Variants in DTNB observed in about 807,000 individuals in gnomAD.
DTNB encodes dystrobrevin beta, also known as DTN-B.
A neutral mutation model predicts 90.7 loss-of-function variants in DTNB; 63 were observed. That is an observed-to-expected ratio of 0.69 (90% CI 0.57 to 0.86). DTNB has a LOEUF of 0.86. Ranked by LOEUF, DTNB falls within the 40% of genes least tolerant of loss-of-function variation. The probability of loss-of-function intolerance (pLI) is 0.00; values close to 1 mark genes in which losing one functional copy is unlikely to be tolerated. For missense variants in DTNB, 744 were observed against 807.1 expected (o/e 0.92, Z 0.95); for synonymous variants, 277 against 286.7 (o/e 0.97, Z 0.34).
intron 8 of DTNB, among the ~76,000 whole-genome samples, chr2:25,567,106 T>C (rs1313317005): frequency 1.3e-5 from 2 of 152,214 alleles, no homozygotes; most frequent in Non-Finnish European, 2.9e-5. Flanking sequence ...AATTTCTCCA[T>C]GTGTATGTCT....
chr2:25,590,154 C>T (rs558877768), intron 6 of DTNB, among the ~76,000 whole-genome samples: 4 of 152,334 alleles, frequency 2.6e-5, no homozygotes, highest in African/African-American at 9.6e-5. Context: ...GGTATTACAG[C>T]CCCGGCCTGG....
intron 8 of DTNB, among the ~76,000 whole-genome samples, chr2:25,573,121 A>T (rs1047358710): frequency 6.6e-6 from 1 of 152,018 alleles, no homozygotes; most frequent in Non-Finnish European, 1.5e-5. Flanking sequence ...AATTTTTTGT[A>T]ATTTTAGTAG....
At chr2:25,662,018 T>C (rs537907512) in intron 1 of DTNB, among the ~76,000 whole-genome samples, 9 of 152,092 alleles carry the variant, frequency 5.9e-5, no homozygotes, top group African/African-American at 1.9e-4. Flanking sequence ...TAGCTGGGCA[T>C]GGTCGTGGGC....
At chr2:25,629,027 T>C (rs539806778) in intron 3 of DTNB, among the ~76,000 whole-genome samples, 5 of 152,050 alleles carry the variant, frequency 3.3e-5, no homozygotes, top group African/African-American at 9.7e-5. Flanking sequence ...ACGACAAAAA[T>C]TCCTGGATGG....
chr2:25,537,392 T>C (rs1173403585), intron 8 of DTNB, among the ~76,000 whole-genome samples: 1 of 152,098 alleles, frequency 6.6e-6, no homozygotes, highest in Admixed American at 6.6e-5. Flanking sequence ...ATCCTAAAAA[T>C]AATAGCCATG....
At chr2:25,435,247 C>T (rs1202427293) in intron 12 of DTNB, among the ~76,000 whole-genome samples, 2 of 152,170 alleles carry the variant, frequency 1.3e-5, no homozygotes, top group Non-Finnish European at 2.9e-5. Context: ...TCTCAAACTC[C>T]TGACCTCAAA....
intron 8 of DTNB, among the ~76,000 whole-genome samples, chr2:25,551,569 C>T (rs2083666111): frequency 6.6e-6 from 1 of 152,184 alleles, no homozygotes; most frequent in Non-Finnish European, 1.5e-5. Context: ...TTAGCGGTTC[C>T]CTTCTGCAAC....
At chr2:25,450,771 A>G (rs151057986) in intron 12 of DTNB, among the ~76,000 whole-genome samples, 5 of 152,204 alleles carry the variant, frequency 3.3e-5, no homozygotes, top group East Asian at 1.9e-4. Flanking sequence ...AAATTTATCC[A>G]TAAGTATTTG....
At chr2:25,620,474 A>G (rs1423973185) in intron 4 of DTNB, among the ~76,000 whole-genome samples, 3 of 152,256 alleles carry the variant, frequency 2.0e-5, no homozygotes, top group Admixed American at 2.0e-4. Flanking sequence ...CACACTCAGA[A>G]TAAAGCATTC....
At chr2:25,516,776 G>T (rs2075206442) in intron 9 of DTNB, among the ~76,000 whole-genome samples, 1 of 152,012 alleles carries the variant, frequency 6.6e-6, no homozygotes, top group Non-Finnish European at 1.5e-5. Flanking sequence ...TGTAATCCCA[G>T]CTATCTGGTA....
chr2:25,433,376 C>T (rs1426524907), intron 13 of DTNB, among the ~76,000 whole-genome samples: 1 of 152,200 alleles, frequency 6.6e-6, no homozygotes, highest in Non-Finnish European at 1.5e-5. Flanking sequence ...CCTGCCCCTT[C>T]CTTCCCTCTG....
chr2:25,489,876 TC>T (rs1356576551), intron 9 of DTNB, among the ~76,000 whole-genome samples: 1 of 152,120 alleles, frequency 6.6e-6, no homozygotes, highest in East Asian at 1.9e-4. Flanking sequence ...CATAAAGGAT[TC>T]ACACAAACTT....
At chr2:25,580,961 A>G (rs1417347245) in intron 6 of DTNB, 135 bp from the exon 7 acceptor site, 3 of 659,182 alleles carry the variant, frequency 4.6e-6, no homozygotes, top group African/African-American at 1.8e-5. Flanking sequence ...AATATTTTAC[A>G]TTACTACAGA....
intron 16 of DTNB, among the ~76,000 whole-genome samples, chr2:25,406,332 T>C (rs967709425): frequency 6.6e-6 from 1 of 151,888 alleles, no homozygotes; most frequent in Non-Finnish European, 1.5e-5. Context: ...TAAACATCCT[T>C]AACAGCCTGA....
At chr2:25,647,520 G>C (rs1262146728) in intron 2 of DTNB, among the ~76,000 whole-genome samples, 1 of 152,112 alleles carries the variant, frequency 6.6e-6, no homozygotes, top group Non-Finnish European at 1.5e-5. Context: ...CACATTTCCT[G>C]ACCCAAAACC....
intron 1 of DTNB, among the ~76,000 whole-genome samples, chr2:25,655,813 T>C (rs548398382): frequency 6.6e-5 from 10 of 152,276 alleles, no homozygotes; most frequent in African/African-American, 2.4e-4. Flanking sequence ...GTCCATTTTG[T>C]TCCCGGCATG....
intron 2 of DTNB, among the ~76,000 whole-genome samples, chr2:25,651,320 A>G (rs2080895168): frequency 6.6e-6 from 1 of 152,238 alleles, no homozygotes; most frequent in Non-Finnish European, 1.5e-5. Context: ...AAGGTTATTC[A>G]GTCAGGAAGT....
chr2:25,474,039 T>C (rs2063302052), intron 10 of DTNB, among the ~76,000 whole-genome samples: 1 of 152,232 alleles, frequency 6.6e-6, no homozygotes, highest in South Asian at 2.1e-4. Context: ...TCAGCTTCTA[T>C]TTTTCAAACT....
At chr2:25,385,919 CA>C in intron 18 of DTNB, 2 of 660,022 alleles carry the variant, frequency 3.0e-6, no homozygotes, top group Non-Finnish European at 3.8e-6. Flanking sequence ...CCATGAAGTA[CA>C]AGTGTAGTTA....
Sources: allele counts gnomAD v4.1 joint callset (sites outside exome capture counted in the v4.1 genomes callset), GRCh38; gene constraint gnomAD v4.1.1; transcripts MANE v1.5; gene names NCBI Gene and HGNC (gene_info 2026-07-23, HGNC 2026-07-21).